Variants in RPH3AL observed in about 807,000 individuals in gnomAD.
RPH3AL encodes rabphilin 3A like (without C2 domains), also known as rab effector Noc2.
In RPH3AL, 38 loss-of-function variants were observed where a neutral mutation model predicts 43.1. The observed-to-expected ratio is 0.88, with a 90% confidence interval of 0.68 to 1.15. The LOEUF is 1.15. RPH3AL is among the 50% of genes most tolerant of loss of function. RPH3AL has a pLI of 0.00. For synonymous variants in RPH3AL, 189 were observed against 176.3 expected (o/e 1.07, Z -0.57); for missense variants, 462 against 423.2 (o/e 1.09, Z -0.81).
In RPH3AL at chr17:322,053, G is replaced by C. The variant is rs1201829350; in HGVS notation, c.78-638C>G. Among the ~76,000 whole-genome samples the C allele has an allele frequency of 6.6e-6, 1 of 152,162 alleles. No individual in the cohort carries two copies. Among genetic ancestry groups the C allele is most frequent in the Non-Finnish European group, 1.5e-5 (1 of 68,012 alleles). ...GACACAGCGTTGATATGAACACTTT[G>C]AAAACTAGCAGGTTCGAGGCGGGGG... is the stretch of plus-strand genomic sequence containing the variant. On this transcript the variant is annotated intron_variant, in intron 3 of 9. Transcript: ENST00000331302. The surrounding 1 kb of genome is among the most constrained non-coding windows in gnomAD (Gnocchi z 4.0).
chr17:222,666 T>C (rs2041019020), intron 7 of RPH3AL, among the ~76,000 whole-genome samples: 1 of 152,246 alleles, frequency 6.6e-6, no homozygotes, highest in Non-Finnish European at 1.5e-5. Flanking sequence ...ATGCCAGGCT[T>C]GGGTGCTTCT....
At chr17:273,050 G>GAGAGACCCCAGCGAGGGCGACATCAGGA (rs2042541147) in intron 6 of RPH3AL, among the ~76,000 whole-genome samples, 1 of 104,716 alleles carries the variant, frequency 9.5e-6, no homozygotes, top group Non-Finnish European at 2.2e-5. Flanking sequence ...CGACGTCAGG[G>GAGAGACCCCAGCGAGGGCGACATCAGGA]AGAGACCCCA....
chr17:262,914 C>T (rs2042234912), intron 6 of RPH3AL, among the ~76,000 whole-genome samples: 1 of 152,174 alleles, frequency 6.6e-6, no homozygotes, highest in African/African-American at 2.4e-5. Context: ...GTGTTTTCCC[C>T]TCTCCTCTGC....
intron 2 of RPH3AL, chr17:332,038 G>C (rs561861766): frequency 9.9e-5 from 42 of 425,198 alleles, no homozygotes; most frequent in South Asian, 4.7e-4. Flanking sequence ...TGGAGCTCTG[G>C]GGGGAGCAGA....
chr17:303,133 C>G (rs2043372093), intron 5 of RPH3AL, among the ~76,000 whole-genome samples: 1 of 152,204 alleles, frequency 6.6e-6, no homozygotes, highest in African/African-American at 2.4e-5. Flanking sequence ...AGGTTGGCGG[C>G]TCATGCCTGC....
chr17:289,573 C>A lies in RPH3AL; in HGVS notation c.352-7719G>T, dbSNP rs1224132826. On this transcript the variant is annotated intron_variant, in intron 5 of 9. Coordinates refer to ENST00000331302, the MANE Select transcript of RPH3AL (RefSeq NM_006987.4). This position sits in a 1 kb window ranked among gnomAD's most constrained non-coding sequence, Gnocchi z 5.2. Reference sequence around the variant, plus strand: ...CAAGAGGCAAATCTAATCATGTCACCTCTCCCATCCCTCCCAACTTAAAAG... The same window carrying A: ...CAAGAGGCAAATCTAATCATGTCACATCTCCCATCCCTCCCAACTTAAAAG... 1.3e-5 allele frequency among the ~76,000 whole-genome samples: 2 copies of A among 152,190 alleles called. No homozygotes were observed. The highest frequency in any genetic ancestry group is 4.8e-5 in the African/African-American group (2 of 41,436).
At chr17:312,412 A>G (rs1458423508) in intron 5 of RPH3AL, among the ~76,000 whole-genome samples, 1 of 152,204 alleles carries the variant, frequency 6.6e-6, no homozygotes, top group Non-Finnish European at 1.5e-5. Flanking sequence ...CTCACCAGAC[A>G]CAGAATCAGC....
intron 7 of RPH3AL, among the ~76,000 whole-genome samples, chr17:229,142 G>A (rs562251367): frequency 5.3e-5 from 8 of 152,196 alleles, no homozygotes; most frequent in South Asian, 2.1e-4. Context: ...CAATCCTCAC[G>A]GGCAAAATGC....
At chr17:305,283 A>G (rs150185367) in intron 5 of RPH3AL, among the ~76,000 whole-genome samples, 1,756 of 152,056 alleles carry the variant, frequency 0.012, 37 homozygotes, top group African/African-American at 0.04. Context: ...GGTCAAAGCC[A>G]AGCTGAGGCA....
At chr17:268,506 G>A (rs2042373067) in intron 6 of RPH3AL, among the ~76,000 whole-genome samples, 1 of 142,598 alleles carries the variant, frequency 7.0e-6, no homozygotes, top group South Asian at 2.3e-4. Flanking sequence ...TATTAGTTAA[G>A]TTTTGGAGAG....
chr17:223,196 GA>G (rs11370789), intron 7 of RPH3AL, among the ~76,000 whole-genome samples: 3,136 of 144,668 alleles, frequency 0.022, 101 homozygotes, highest in African/African-American at 0.076. Context: ...TCTCAAAAAA[GA>G]AAAAAAAAAA....
At chr17:342,440 AG>A (rs1210263060) in intron 1 of RPH3AL, among the ~76,000 whole-genome samples, 1 of 152,252 alleles carries the variant, frequency 6.6e-6, no homozygotes, top group African/African-American at 2.4e-5. Context: ...CAATAGCCAA[AG>A]GGGGAAACAA....
intron 6 of RPH3AL, among the ~76,000 whole-genome samples, chr17:268,230 C>T (rs575113775): frequency 6.6e-6 from 1 of 152,274 alleles, no homozygotes; most frequent in South Asian, 2.1e-4. Context: ...CTCCTCATCT[C>T]CCCGTCACCC....
intron 2 of RPH3AL, among the ~76,000 whole-genome samples, chr17:329,150 C>T (rs1046587304): frequency 6.6e-6 from 1 of 151,930 alleles, no homozygotes; most frequent in African/African-American, 2.4e-5. Context: ...TCAGCACAAA[C>T]ACAGACCATG....
chr17:321,658 G>A (rs986378043), intron 3 of RPH3AL: 10 of 463,294 alleles, frequency 2.2e-5, no homozygotes, highest in Admixed American at 4.1e-5. Flanking sequence ...TTGGGATTGC[G>A]GGCAACAGAG....
chr17:239,073 C>T lies in RPH3AL; in HGVS notation c.613+8038G>A, dbSNP rs183130084. Among the ~76,000 whole-genome samples the T allele has an allele frequency of 1.4e-4, 21 of 152,278 alleles. 1 individual carries two copies. Among genetic ancestry groups the T allele is most frequent in the African/African-American group, 5.1e-4 (21 of 41,554 alleles). ...GGTACTCAGGCCAGGCCGTTCCCCACCCCCTCCTGGGGAAAGAAGGAATAC... is the reference window on the plus strand; with the variant it reads ...GGTACTCAGGCCAGGCCGTTCCCCATCCCCTCCTGGGGAAAGAAGGAATAC... On this transcript the variant is annotated intron_variant, in intron 7 of 9. Coordinates refer to ENST00000331302, the MANE Select transcript of RPH3AL (RefSeq NM_006987.4).
intron 8 of RPH3AL, 28 bp downstream of exon 8, chr17:219,595 A>G (rs1400104940): frequency 1.5e-5 from 20 of 1,309,568 alleles, no homozygotes; most frequent in Non-Finnish European, 2.1e-5. Flanking sequence ...TGCCCGGCCA[A>G]TAAGCAGCAT....
chr17:238,007 T>G (rs1423656294), intron 7 of RPH3AL, among the ~76,000 whole-genome samples: 2 of 151,844 alleles, frequency 1.3e-5, no homozygotes, highest in Non-Finnish European at 1.5e-5. Flanking sequence ...AATTAGCAGG[T>G]GCGGTGGTAC....
chr17:304,272 A>C (rs1441674028), intron 5 of RPH3AL, among the ~76,000 whole-genome samples: 3 of 151,970 alleles, frequency 2.0e-5, no homozygotes, highest in African/African-American at 4.8e-5. Flanking sequence ...CAATCCTTGC[A>C]ACCGCCCCCG....
Sources: allele counts gnomAD v4.1 joint callset (sites outside exome capture counted in the v4.1 genomes callset), GRCh38; gene constraint gnomAD v4.1.1; non-coding constraint Gnocchi (gnomAD v3.1); transcripts MANE v1.5; gene names NCBI Gene and HGNC (gene_info 2026-07-23, HGNC 2026-07-21).